CSF1R: variants seen among roughly 807,000 people sequenced by gnomAD.
CSF1R encodes the protein macrophage colony-stimulating factor 1 receptor.
In CSF1R, 40 loss-of-function variants were observed where a neutral mutation model predicts 110.0. The observed-to-expected ratio is 0.36, with a 90% CI of 0.28 to 0.47. The LOEUF is 0.47. Among genes scored for constraint, CSF1R ranks in the 20% least tolerant of loss-of-function variants. The pLI, the probability that CSF1R is intolerant of heterozygous loss-of-function variation, is 0.99. For missense variants in CSF1R, 1,052 were observed against 1,253.0 expected, an observed-to-expected ratio of 0.84 and a Z score of 2.42; for synonymous variants, 523 against 503.4, an observed-to-expected ratio of 1.04 and a Z score of -0.52.
rs139340042 is a variant in CSF1R, at chr5:150,083,099, G to A, written c.50-2075C>T. On this transcript the variant is annotated intron_variant, in intron 1 of 20. Coordinates refer to ENST00000675795, the MANE Select transcript of CSF1R (RefSeq NM_001288705.3). ...GATAAGGCTGATACCCGCAACTTCC[G>A]CAGCCAACTTCCCCTGCTGGCTTGG... Among the ~76,000 whole-genome samples the A allele has an allele frequency of 4.3e-3, 648 of 152,038 alleles. 3 individuals are homozygous for A. The highest frequency in any genetic ancestry group is 6.6e-3 in the Non-Finnish European group (446 of 67,982).
intron 5 of CSF1R, among the ~76,000 whole-genome samples, chr5:150,073,766 A>G (rs1304487420): frequency 6.6e-6 from 1 of 152,190 alleles, no homozygotes; most frequent in Non-Finnish European, 1.5e-5. Flanking sequence ...TAATGAAGAG[A>G]TTGAATATAT....
rs1561967340 is a variant in CSF1R at position 150,105,386 on chromosome 5, T to TA, written c.-181+7874_-181+7875insT. 4.5e-3 allele frequency among the ~76,000 whole-genome samples: 232 copies of TA among 51,566 alleles called. 1 individual carries two copies. Among genetic ancestry groups the TA allele is most frequent in the Non-Finnish European group, 8.0e-3 (190 of 23,714 alleles). The allele number at this position is 51,566 out of a possible 152,430, so 33.8% of individuals were successfully genotyped here. ...AAAATATATATATATATATATATAT[T>TA]TTTTTTTTTTTAATAGAGGCGGGGT... is the stretch of plus-strand genomic sequence containing the variant. On this transcript the variant is annotated intron_variant, in intron 1 of 21. Transcript: ENST00000286301.
In CSF1R at chr5:150,053,327, G is replaced by T. The variant is rs373663045; in HGVS notation, c.*742C>A. The T allele has an allele frequency of 1.3e-5, 3 of 233,666 alleles. No homozygotes were observed. Among genetic ancestry groups the T allele is most frequent in the East Asian group, 6.0e-5 (1 of 16,556 alleles). The allele number at this position is 233,666 out of a possible 1,614,324, so 14.5% of individuals were successfully genotyped here. On this transcript the variant is annotated 3_prime_UTR_variant, in exon 21 of 21. Transcript: ENST00000675795. ...ATGCTGTTAGTTTAATGTGGACAGA[G>T]ACATCCCACGGCGTGACTGTTAGTT...
chr5:150,086,345 C>A, intron 1 of CSF1R, 34 bp downstream of exon 1: 1 of 1,581,716 alleles, frequency 6.3e-7, no homozygotes, highest in Non-Finnish European at 8.6e-7. Flanking sequence ...CATCACACCC[C>A]AACAAAGTCC....
In CSF1R at chr5:150,056,036, G is replaced by A. The variant is rs1374921783; in HGVS notation, c.2544C>T (p.Ile848=). The A allele has an allele frequency of 6.2e-7, 1 of 1,614,142 alleles. No individual in the cohort carries two copies. Among genetic ancestry groups the A allele is most frequent in the South Asian group, 1.1e-5 (1 of 91,070 alleles). ...GGCCCAGTGGCTCACCAAGTGAGAA[G>A]ATCTCCCAGAGGAGGATGCCATAGG... The part of the protein sequence containing the change: ...VWSYGILLWE[I]FSLGLNPYPG... Residue 848 remains isoleucine (I), a synonymous_variant, in exon 18 of 21, where the codon ATC becomes ATT. Coordinates refer to ENST00000675795, the MANE Select transcript of CSF1R (RefSeq NM_001288705.3).
chr5:150,096,010 G>T (rs1299926020), intron 1 of CSF1R, among the ~76,000 whole-genome samples: 1 of 152,180 alleles, frequency 6.6e-6, no homozygotes, highest in Non-Finnish European at 1.5e-5. Flanking sequence ...TAAACTTGTA[G>T]TTAAAAACCT....
intron 1 of CSF1R, among the ~76,000 whole-genome samples, chr5:150,112,685 C>T (rs903471001): frequency 6.6e-6 from 1 of 152,224 alleles, no homozygotes; most frequent in African/African-American, 2.4e-5. Flanking sequence ...TTTCTGAAGC[C>T]AGGATCCCTG....
intron 10 of CSF1R, 36 bp downstream of exon 10, chr5:150,068,179 T>C: frequency 6.4e-7 from 1 of 1,558,342 alleles, no homozygotes; most frequent in South Asian, 1.1e-5. Flanking sequence ...TCTGGCTCAC[T>C]CAGGCACCTG....
intron 1 of CSF1R, among the ~76,000 whole-genome samples, chr5:150,110,930 G>A (rs1437588588): frequency 6.8e-6 from 1 of 146,660 alleles, no homozygotes; most frequent in African/African-American, 2.6e-5. Flanking sequence ...TTTTTTGTCA[G>A]ATCACAGGAC....
At chr5:150,111,844 A>G (rs1485567101) in intron 1 of CSF1R, among the ~76,000 whole-genome samples, 1 of 152,236 alleles carries the variant, frequency 6.6e-6, no homozygotes, top group African/African-American at 2.4e-5. Context: ...TGCCAATGGG[A>G]AAAGTTAAGC....
chr5:150,059,224 A>G (rs570372050), intron 14 of CSF1R, among the ~76,000 whole-genome samples: 1 of 151,858 alleles, frequency 6.6e-6, no homozygotes, highest in Non-Finnish European at 1.5e-5. Context: ...TTGTATATTT[A>G]ATAGAGACGG....
rs761624770 is a variant in CSF1R, at chr5:150,086,415, C to G, written c.13G>C (p.Val5Leu). 3 of 1,610,658 alleles carry G rather than the reference C, an allele frequency of 1.9e-6. No individual in the cohort carries two copies. Among genetic ancestry groups the G allele is most frequent in the Non-Finnish European group, 2.5e-6 (3 of 1,178,748 alleles). The change falls in exon 1 of 21, where the codon GTT (valine) becomes CTT (leucine). Residue 5 changes from valine (V) to leucine (L), a missense_variant. This residue lies in a region of CSF1R where 693 missense variants were observed against 735.4 expected (regional missense o/e 0.94). Transcript: ENST00000675795. Reference protein sequence around the residue: MGPGVLLLLLVATAW... With the variant: MGPGLLLLLLVATAW... ...GTGGCCACCAGCAGGAGCAGCAGAA[C>G]TCCTGGGCCCATGGCCTCGGTGGGG...
At chr5:150,065,444 C>T (rs1338230758) in intron 10 of CSF1R, among the ~76,000 whole-genome samples, 1 of 152,208 alleles carries the variant, frequency 6.6e-6, no homozygotes, top group Non-Finnish European at 1.5e-5. Flanking sequence ...TTCTCTTCCC[C>T]CACGGCCCCC....
At position 150,056,082 on chromosome 5, in the gene CSF1R, G is replaced by A. The variant is rs780804532; in HGVS notation, c.2498C>T (p.Thr833Met). 5 of 1,614,244 alleles carry A rather than the reference G, an allele frequency of 3.1e-6. No homozygotes were observed. The highest frequency in any genetic ancestry group is 1.3e-5 in the African/African-American group (1 of 75,062). The change falls in exon 18 of 21, where the codon ACG becomes ATG. Residue 833 changes from threonine (T) to methionine (M), a missense_variant. By Grantham distance (81) the Thr-to-Met change is moderately conservative. Coordinates refer to ENST00000675795, the MANE Select transcript of CSF1R (RefSeq NM_001288705.3). ...APESIFDCVY[T>M]VQSDVWSYGI... ...ATAGGACCAGACGTCGCTCTGAACCGTGTAGACACAGTCAAAGATGCTCTC... is the reference window on the plus strand; with the variant it reads ...ATAGGACCAGACGTCGCTCTGAACCATGTAGACACAGTCAAAGATGCTCTC...
In CSF1R at chr5:150,062,965, A is replaced by C. The variant is rs536886788; in HGVS notation, c.1627-1116T>G. 1.2e-4 allele frequency among the ~76,000 whole-genome samples: 19 copies of C among 152,192 alleles called. No homozygotes were observed. The East Asian group carries it at 2.9e-3, about 23-fold the overall frequency. On this transcript the variant is annotated intron_variant, in intron 10 of 20. Coordinates refer to ENST00000675795, the MANE Select transcript of CSF1R (RefSeq NM_001288705.3). Reference sequence around the variant, plus strand: ...TCATGGCTTGAGGGAAGTGGGGGGCAGATTCCAGAAACAGGAAGGCCTTGA... The same window carrying C: ...TCATGGCTTGAGGGAAGTGGGGGGCCGATTCCAGAAACAGGAAGGCCTTGA...
chr5:150,073,429 C>A lies in CSF1R; in HGVS notation c.954G>T (p.Gly318=), dbSNP rs1487942537. The change falls in exon 6 of 21, where the codon GGG becomes GGT. Residue 318 remains glycine, a synonymous_variant. Transcript: ENST00000675795. ...NLIQEVTVGE[G]LNLKVMVEAY... is the part of the protein sequence containing the mutation. ...CCTCCACCATGACTTTGAGGTTGAGCCCCTCCCCCACGGTCACCTCCTGGA... is the reference window on the plus strand; with the variant it reads ...CCTCCACCATGACTTTGAGGTTGAGACCCTCCCCCACGGTCACCTCCTGGA... 5.0e-6 allele frequency: 8 copies of A among 1,613,956 alleles called. No individual in the cohort carries two copies. The highest frequency in any genetic ancestry group is 6.8e-6 in the Non-Finnish European group (8 of 1,180,002).
At chr5:150,062,578 C>T (rs1276525932) in intron 10 of CSF1R, among the ~76,000 whole-genome samples, 1 of 152,012 alleles carries the variant, frequency 6.6e-6, no homozygotes, top group African/African-American at 2.4e-5. Flanking sequence ...ATTCATGCTG[C>T]AGCACAGGTC....
chr5:150,072,013 C>T (rs1758053637), intron 6 of CSF1R, among the ~76,000 whole-genome samples: 1 of 152,218 alleles, frequency 6.6e-6, no homozygotes. Context: ...GGATGACAAA[C>T]AGATCTCTCA....
Position 150,061,808 on chromosome 5 carries a change from A to G in CSF1R, c.1668T>C (p.Tyr556=). Residue 556 remains tyrosine, a synonymous_variant, in exon 11 of 21, where the codon TAT becomes TAC. Coordinates refer to ENST00000675795, the MANE Select transcript of CSF1R (RefSeq NM_001288705.3). ...YQVRWKIIES[Y]EGNSYTFIDP... is the part of the protein sequence containing the mutation. ...CGATGAAAGTATAACTGTTGCCCTC[A>G]TAGCTCTCGATGATCTTCCAGCGGA... is the stretch of plus-strand genomic sequence containing the variant. The G allele has an allele frequency of 6.2e-7, 1 of 1,614,218 alleles. No individual in the cohort carries two copies. Among genetic ancestry groups the G allele is most frequent in the Non-Finnish European group, 8.5e-7 (1 of 1,180,038 alleles).
Sources: gnomAD v4.1 joint callset for allele counts (sites outside exome capture counted in the v4.1 genomes callset) on GRCh38, gnomAD v4.1.1 for gene constraint, gnomAD v4.1.1 regional missense constraint, MANE v1.5 for transcripts, NCBI Gene and HGNC (gene_info 2026-07-23, HGNC 2026-07-21) for gene names.